The following GRID2IP variants were observed in gnomAD, a reference collection of about 807,000 sequenced individuals.
The protein encoded by GRID2IP is Grid2 interacting protein, also known as delphilin.
In GRID2IP, 78 loss-of-function variants were observed where a neutral mutation model predicts 114.3. The observed-to-expected ratio is 0.68, with a 90% CI of 0.57 to 0.82. GRID2IP has a LOEUF of 0.82. Among genes scored for constraint, GRID2IP ranks in the 40% least tolerant of loss-of-function variants. The pLI is 0.00. For synonymous variants in GRID2IP, 809 were observed against 724.0 expected, an observed-to-expected ratio of 1.12 and a Z score of -1.89; for missense variants, 1,727 against 1,678.5, an observed-to-expected ratio of 1.03 and a Z score of -0.51.
rs768479293 is a variant in GRID2IP at position 6,520,571 on chromosome 7, C to G, written c.1268+7G>C. The G allele has an allele frequency of 6.5e-6, 10 of 1,548,738 alleles. No homozygotes were observed. In the East Asian group the frequency reaches 2.0e-4, roughly 30 times the overall value. ...GCAGGGCCCCACCGCGGCTTTGGCC[C>G]GGCCACCTGTGCTGGAAGAAGCTCT... On this transcript the variant is annotated splice_region_variant and intron_variant, in intron 7 of 21. Coordinates refer to ENST00000457091, the MANE Select transcript of GRID2IP (RefSeq NM_001145118.2). The surrounding 1 kb of genome is among the most constrained non-coding windows in gnomAD (Gnocchi z 4.6).
intron 2 of GRID2IP, among the ~76,000 whole-genome samples, chr7:6,538,529 T>G (rs538438239): frequency 2.5e-4 from 37 of 150,140 alleles, no homozygotes; most frequent in Non-Finnish European, 4.6e-4. Context: ...ATCATGGCAC[T>G]GCCCTCCTGC....
At chr7:6,548,048 T>C (rs1779913408) in intron 1 of GRID2IP, among the ~76,000 whole-genome samples, 1 of 152,164 alleles carries the variant, frequency 6.6e-6, no homozygotes, top group South Asian at 2.1e-4. Flanking sequence ...AATAACTTAA[T>C]TGTCCATTTT....
chr7:6,502,763 T>C (rs375293537), intron 18 of GRID2IP, 23 bp downstream of exon 18: 2 of 1,529,760 alleles, frequency 1.3e-6, no homozygotes, highest in African/African-American at 1.4e-5. Flanking sequence ...AACCAGTCGA[T>C]TGCTGCCGGC....
At chr7:6,514,033 C>T (rs1779239650) in intron 8 of GRID2IP, among the ~76,000 whole-genome samples, 2 of 150,520 alleles carry the variant, frequency 1.3e-5, no homozygotes, top group South Asian at 2.1e-4. Context: ...GTGGGTGGAT[C>T]ATGAGGTCAG....
chr7:6,498,760 G>T (rs1445600332), intron 20 of GRID2IP, among the ~76,000 whole-genome samples: 1 of 151,054 alleles, frequency 6.6e-6, no homozygotes, highest in African/African-American at 2.4e-5. Flanking sequence ...CTAATTTTTT[G>T]ATTTTTAAAA....
At chr7:6,541,024 C>T (rs138747207) in intron 1 of GRID2IP, among the ~76,000 whole-genome samples, 2 of 151,982 alleles carry the variant, frequency 1.3e-5, no homozygotes, top group African/African-American at 2.4e-5. Flanking sequence ...TATAATCCCT[C>T]ATCTACTTAA....
intron 8 of GRID2IP, among the ~76,000 whole-genome samples, chr7:6,513,026 A>G (rs1485040832): frequency 6.6e-6 from 1 of 152,082 alleles, no homozygotes; most frequent in Admixed American, 6.6e-5. Flanking sequence ...CCTTCCATCC[A>G]CATGACCTGC....
intron 7 of GRID2IP, among the ~76,000 whole-genome samples, chr7:6,517,771 T>G (rs922117888): frequency 2.0e-5 from 3 of 151,570 alleles, no homozygotes; most frequent in Admixed American, 2.0e-4. Context: ...GGCATGGTGG[T>G]GGGCGCCTGT....
chr7:6,531,015 T>C, intron 2 of GRID2IP: 1 of 640,054 alleles, frequency 1.6e-6, no homozygotes, highest in East Asian at 3.3e-5. Context: ...GGCGGATCCG[T>C]GGCGCAGAGG....
At chr7:6,504,766 A>AC (rs1173536919) in intron 15 of GRID2IP, 27 bp downstream of exon 15, 1 of 1,537,412 alleles carries the variant, frequency 6.5e-7, no homozygotes, top group Non-Finnish European at 8.8e-7. Flanking sequence ...TGCCCCCTAC[A>AC]CCCCCTGGGG....
chr7:6,510,461 C>T (rs1786743521), intron 10 of GRID2IP, 61 bp from the exon 11 acceptor site: 6 of 1,397,074 alleles, frequency 4.3e-6, no homozygotes, highest in Non-Finnish European at 5.7e-6. Flanking sequence ...CTAATGTGGT[C>T]CAGGCCTGGG....
chr7:6,526,695 C>T lies in GRID2IP; in HGVS notation c.659G>A (p.Arg220His). ...VSQGLLGKLC[R>H]ARRAQGAQRL... Reference sequence around the variant, plus strand: ...CTGCGCGCCCTGGGCCCGGCGTGCGCGGCACAGCTTGCCCAGGAGGCCCTG... The same window carrying T: ...CTGCGCGCCCTGGGCCCGGCGTGCGTGGCACAGCTTGCCCAGGAGGCCCTG... The change falls in exon 3 of 22, where the codon CGC becomes CAC. Residue 220 changes from arginine to histidine, a missense_variant. Transcript: ENST00000457091. The surrounding 1 kb of genome is among the most constrained non-coding windows in gnomAD (Gnocchi z 7.6). 6.7e-7 allele frequency: 1 copy of T among 1,499,010 alleles called. No homozygotes were observed. Among genetic ancestry groups the T allele is most frequent in the South Asian group, 1.2e-5 (1 of 80,452 alleles). 92.9% of individuals were successfully genotyped at this position (1,499,010 alleles called of 1,614,324 possible). A position where few individuals can be genotyped will look rare whatever the true frequency, so the allele number is the denominator to read the frequency against.
intron 10 of GRID2IP, 86 bp from the exon 11 acceptor site, chr7:6,510,486 G>T: frequency 1.5e-6 from 2 of 1,317,994 alleles, no homozygotes; most frequent in South Asian, 3.1e-5. Flanking sequence ...CCGGGAGGCA[G>T]GGATATGCCC....
rs1381887105 is a variant in GRID2IP, at chr7:6,503,500, G to A, written c.2898C>T (p.Phe966=). The A allele has an allele frequency of 1.4e-5, 22 of 1,524,488 alleles. No individual in the cohort carries two copies. Among genetic ancestry groups the A allele is most frequent in the Non-Finnish European group, 1.9e-5 (22 of 1,142,752 alleles). The allele number at this position is 1,524,488 out of a possible 1,614,324, so 94.4% of individuals were successfully genotyped here. A position where few individuals can be genotyped will look rare whatever the true frequency, so the allele number is the denominator to read the frequency against. ...GTTGTGGTCGCGGCACCTGCAGGAC[G>A]AACTGGTCCGGCTCGCTGAGGCGGC... ...APGRLSEPDQ[F]VLQMLSVPEY... is the part of the protein sequence containing the mutation. Residue 966 remains phenylalanine (F), a synonymous_variant, in exon 16 of 22, where the codon TTC becomes TTT. Transcript: ENST00000457091.
intron 2 of GRID2IP, among the ~76,000 whole-genome samples, chr7:6,529,869 C>T (rs1275668325): frequency 6.6e-6 from 1 of 152,056 alleles, no homozygotes; most frequent in South Asian, 2.1e-4. Flanking sequence ...TTCTCTCTGC[C>T]AGAGTCAGGT....
chr7:6,549,308 C>T (rs1192783077), intron 1 of GRID2IP, among the ~76,000 whole-genome samples: 2 of 152,204 alleles, frequency 1.3e-5, no homozygotes, highest in Non-Finnish European at 2.9e-5. Context: ...CTAAATGGTG[C>T]CTCCATCTTG....
In GRID2IP at chr7:6,520,625, A is replaced by C; in HGVS notation, c.1221T>G (p.Pro407=). The change falls in exon 7 of 22, where the codon CCT becomes CCG. Residue 407 remains proline (P), a synonymous_variant. Transcript: ENST00000457091. The surrounding 1 kb of genome is among the most constrained non-coding windows in gnomAD (Gnocchi z 4.6). ...GGGCCCGGCAGACCCCATAGCGCTC[A>C]GGAGGTGTGAGTAGGTGCTCCAGCT... ...SQQLEHLLTP[P]ERYGVCRALE... is the part of the protein sequence containing the mutation. 4 of 1,551,708 alleles carry C rather than the reference A, an allele frequency of 2.6e-6. No homozygotes were observed. Among genetic ancestry groups the C allele is most frequent in the Non-Finnish European group, 3.5e-6 (4 of 1,146,986 alleles).
Position 6,526,866 on chromosome 7 carries a change from C to T in GRID2IP, c.585-97G>A. ...GCGTCCTCGCGGGCGCCGCCCTAGG[C>T]TCTCCCACCTCTTCCTAGGAGTGGC... On this transcript the variant is annotated intron_variant, in intron 2 of 21. Transcript: ENST00000457091. This position sits in a 1 kb window ranked among gnomAD's most constrained non-coding sequence, Gnocchi z 7.6. 1.6e-6 allele frequency: 2 copies of T among 1,280,530 alleles called. No individual in the cohort carries two copies. The highest frequency in any genetic ancestry group is 1.0e-6 in the Non-Finnish European group (1 of 990,482). The allele number at this position is 1,280,530 out of a possible 1,614,324, so 79.3% of individuals were successfully genotyped here.
chr7:6,511,751 C>T (rs985206349), intron 8 of GRID2IP, among the ~76,000 whole-genome samples: 1 of 152,280 alleles, frequency 6.6e-6, no homozygotes, highest in South Asian at 2.1e-4. Flanking sequence ...CTCGCTAAAA[C>T]CCTAGCAAAT....
Sources: allele counts gnomAD v4.1 joint callset (sites outside exome capture counted in the v4.1 genomes callset), GRCh38; gene constraint gnomAD v4.1.1; non-coding constraint Gnocchi (gnomAD v3.1); transcripts MANE v1.5; gene names NCBI Gene and HGNC (gene_info 2026-07-23, HGNC 2026-07-21).